Variants in COX7B2 observed in about 807,000 individuals in gnomAD.
The protein encoded by COX7B2 is cytochrome c oxidase subunit 7B2, mitochondrial.
For synonymous variants in COX7B2, 37 were observed against 32.1 expected, an observed-to-expected ratio of 1.15 and a Z score of -0.51; for missense variants, 109 against 95.9, an observed-to-expected ratio of 1.14 and a Z score of -0.57.
intron 1 of COX7B2, among the ~76,000 whole-genome samples, chr4:46,889,843 A>G (rs1303011188): frequency 5.9e-5 from 9 of 152,064 alleles, no homozygotes; most frequent in Admixed American, 5.9e-4. Context: ...CTAAATGTTA[A>G]TAATAGTTGT....
Position 46,771,146 on chromosome 4 carries a change from GAA to G in COX7B2, c.-49-35907_-49-35906del, listed in dbSNP as rs1160692256. On this transcript the variant is annotated intron_variant, in intron 2 of 2. Coordinates refer to ENST00000355591, the MANE Select transcript of COX7B2 (RefSeq NM_130902.3). ...AATAAGTAACCCAATTTAAAAACAA[GAA>G]AAGGATCTGAAAAGACATTTATCCA... 3.3e-5 allele frequency among the ~76,000 whole-genome samples: 5 copies of G among 152,138 alleles called. No individual in the cohort carries two copies. In the East Asian group the frequency reaches 7.7e-4, roughly 23 times the overall value.
At chr4:46,851,210 CTTGAGCAAG>C in intron 1 of COX7B2, among the ~76,000 whole-genome samples, 1 of 151,914 alleles carries the variant, frequency 6.6e-6, no homozygotes, top group African/African-American at 2.4e-5. Flanking sequence ...CTTGAGATAA[CTTGAGCAAG>C]TATTATTTGA....
At chr4:46,874,171 T>C (rs529885248) in intron 1 of COX7B2, among the ~76,000 whole-genome samples, 13 of 152,316 alleles carry the variant, frequency 8.5e-5, no homozygotes, top group Non-Finnish European at 1.9e-4. Flanking sequence ...AGCTCAGATT[T>C]CCTTGAAGAC....
intron 2 of COX7B2, among the ~76,000 whole-genome samples, chr4:46,831,142 C>T (rs1312892334): frequency 4.6e-5 from 7 of 152,162 alleles, no homozygotes; most frequent in East Asian, 1.9e-4. Flanking sequence ...AGTGGCCGGC[C>T]GGCCTGCCAG....
intron 1 of COX7B2, among the ~76,000 whole-genome samples, chr4:46,889,305 C>T (rs538218313): frequency 2.0e-5 from 3 of 152,136 alleles, no homozygotes; most frequent in Non-Finnish European, 4.4e-5. Context: ...TGTAGTCCTA[C>T]AATAAGCCTG....
chr4:46,841,484 T>C (rs1715924341), intron 2 of COX7B2, among the ~76,000 whole-genome samples: 1 of 151,838 alleles, frequency 6.6e-6, no homozygotes, highest in African/African-American at 2.4e-5. Flanking sequence ...GTTAAACTGA[T>C]TTTCATAAGG....
At chr4:46,793,930 C>CTGG in intron 2 of COX7B2, among the ~76,000 whole-genome samples, 1 of 152,286 alleles carries the variant, frequency 6.6e-6, no homozygotes, top group Admixed American at 6.5e-5. Flanking sequence ...GCTGTGGCAT[C>CTGG]TACATTCATA....
chr4:46,870,468 T>C (rs2109822253), intron 1 of COX7B2, among the ~76,000 whole-genome samples: 1 of 152,236 alleles, frequency 6.6e-6, no homozygotes, highest in East Asian at 1.9e-4. Context: ...TTCAACATAG[T>C]ACTGGAAATC....
intron 1 of COX7B2, among the ~76,000 whole-genome samples, chr4:46,871,916 T>C (rs933883520): frequency 5.3e-5 from 8 of 152,170 alleles, no homozygotes; most frequent in African/African-American, 1.9e-4. Flanking sequence ...AGTATGGTGA[T>C]TCCTCAGAGA....
intron 1 of COX7B2, among the ~76,000 whole-genome samples, chr4:46,874,257 T>G (rs149469648): frequency 8.0e-4 from 122 of 152,284 alleles, no homozygotes; most frequent in African/African-American, 2.8e-3. Flanking sequence ...GCAACATGGT[T>G]GGGAAGAAGA....
intron 2 of COX7B2, among the ~76,000 whole-genome samples, chr4:46,749,517 T>C (rs565633776): frequency 3.3e-5 from 5 of 152,226 alleles, no homozygotes; most frequent in Admixed American, 3.3e-4. Flanking sequence ...ATAATTTACA[T>C]TAAAAATATT....
At chr4:46,889,525 A>G (rs1438094199) in intron 1 of COX7B2, among the ~76,000 whole-genome samples, 2 of 152,256 alleles carry the variant, frequency 1.3e-5, no homozygotes, top group Non-Finnish European at 2.9e-5. Flanking sequence ...ACGGGGAAGC[A>G]AGATAGGCAA....
At chr4:46,792,246 T>A (rs1277042912) in intron 2 of COX7B2, among the ~76,000 whole-genome samples, 1 of 152,218 alleles carries the variant, frequency 6.6e-6, no homozygotes, top group East Asian at 1.9e-4. Context: ...GGAATTCTTG[T>A]AAGGCATTCT....
intron 2 of COX7B2, among the ~76,000 whole-genome samples, chr4:46,800,469 A>T (rs1718597444): frequency 6.6e-6 from 1 of 152,054 alleles, no homozygotes; most frequent in East Asian, 1.9e-4. Context: ...ACACCATCTG[A>T]TCATCAACAA....
At chr4:46,852,311 A>G (rs1716739429) in intron 1 of COX7B2, among the ~76,000 whole-genome samples, 1 of 152,078 alleles carries the variant, frequency 6.6e-6, no homozygotes, top group African/African-American at 2.4e-5. Context: ...CTTGTGACAA[A>G]CCACTTTTTT....
intron 2 of COX7B2, among the ~76,000 whole-genome samples, chr4:46,752,225 T>C (rs1054546463): frequency 6.6e-6 from 1 of 152,124 alleles, no homozygotes; most frequent in Non-Finnish European, 1.5e-5. Context: ...TGTTTGTCTG[T>C]TATTGGTGTA....
At chr4:46,900,944 C>T (rs1487338827) in intron 1 of COX7B2, among the ~76,000 whole-genome samples, 1 of 152,182 alleles carries the variant, frequency 6.6e-6, no homozygotes, top group Non-Finnish European at 1.5e-5. Context: ...ATATTAAAAA[C>T]TCAACATAAT....
chr4:46,799,029 C>T (rs542777229), intron 2 of COX7B2, among the ~76,000 whole-genome samples: 1 of 152,038 alleles, frequency 6.6e-6, no homozygotes, highest in African/African-American at 2.4e-5. Context: ...GTATTGGGGC[C>T]TTTGCTAGAA....
At chr4:46,777,273 G>T (rs1486698865) in intron 2 of COX7B2, among the ~76,000 whole-genome samples, 1 of 152,052 alleles carries the variant, frequency 6.6e-6, no homozygotes, top group Non-Finnish European at 1.5e-5. Flanking sequence ...AAAAATAAAT[G>T]GAAGAGTGAT....
Sources: gnomAD v4.1 joint callset for allele counts (sites outside exome capture counted in the v4.1 genomes callset) on GRCh38, gnomAD v4.1.1 for gene constraint, MANE v1.5 for transcripts, NCBI Gene and HGNC (gene_info 2026-07-23, HGNC 2026-07-21) for gene names.